Variants in CDH4 observed in about 807,000 individuals in gnomAD.
CDH4 encodes the protein cadherin 4, also known as cadherin-4.
CDH4 carries 33 observed loss-of-function variants against 86.0 expected under a neutral mutation model. That is an observed-to-expected ratio of 0.38 (90% CI 0.29 to 0.51). The LOEUF (loss-of-function observed/expected upper bound fraction) is 0.51. Ranked by LOEUF, CDH4 falls within the 20% of genes least tolerant of loss-of-function variation. CDH4 has a pLI of 0.86. For synonymous variants in CDH4, 555 were observed against 549.4 expected, an observed-to-expected ratio of 1.01 and a Z score of -0.14; for missense variants, 1,114 against 1,307.4, an observed-to-expected ratio of 0.85 and a Z score of 2.28.
chr20:61,705,327 T>C (rs2087817672), intron 2 of CDH4, among the ~76,000 whole-genome samples: 1 of 152,196 alleles, frequency 6.6e-6, no homozygotes, highest in Non-Finnish European at 1.5e-5. Flanking sequence ...GCGGGGGAGA[T>C]GGTGTACAAC....
chr20:61,777,990 A>G (rs1978343519), intron 4 of CDH4, among the ~76,000 whole-genome samples: 1 of 152,198 alleles, frequency 6.6e-6, no homozygotes, highest in Non-Finnish European at 1.5e-5. Context: ...ACATGCACAC[A>G]CACGTGCACA....
intron 3 of CDH4, among the ~76,000 whole-genome samples, chr20:61,751,245 G>C (rs1183687814): frequency 6.6e-6 from 1 of 152,122 alleles, no homozygotes; most frequent in African/African-American, 2.4e-5. Flanking sequence ...CCAGACTCCT[G>C]GCCTCTACCC....
intron 2 of CDH4, among the ~76,000 whole-genome samples, chr20:61,354,180 C>A (rs1392614528): frequency 6.6e-6 from 1 of 151,946 alleles, no homozygotes; most frequent in Non-Finnish European, 1.5e-5. Flanking sequence ...ACGCCCCCCA[C>A]CCCCCAGAGG....
intron 5 of CDH4, among the ~76,000 whole-genome samples, chr20:61,852,412 G>A (rs373061444): frequency 6.6e-6 from 1 of 152,372 alleles, no homozygotes; most frequent in Middle Eastern, 3.4e-3. Context: ...AGGGGCACCT[G>A]TCCTGCTCCA....
intron 2 of CDH4, among the ~76,000 whole-genome samples, chr20:61,487,787 G>A (rs1016136686): frequency 2.0e-5 from 3 of 152,232 alleles, no homozygotes; most frequent in Admixed American, 1.3e-4. Context: ...CACCCCGTGA[G>A]GACTTGTCAA....
chr20:61,396,096 G>A (rs1033458405), intron 2 of CDH4, among the ~76,000 whole-genome samples: 5 of 152,156 alleles, frequency 3.3e-5, no homozygotes, highest in South Asian at 2.1e-4. Context: ...CCGTCGTGCC[G>A]TCTTTGACTC....
At chr20:61,883,055 T>C (rs1467542670) in intron 7 of CDH4, among the ~76,000 whole-genome samples, 6 of 152,006 alleles carry the variant, frequency 3.9e-5, no homozygotes, top group Non-Finnish European at 7.4e-5. Flanking sequence ...GTTTCCTGTC[T>C]CACCCAGAAA....
Position 61,786,788 on chromosome 20 carries a change from A to T in CDH4, c.576+13606A>T, listed in dbSNP as rs111229522. The stretch of plus-strand genomic sequence containing the variant: ...GGATGAGAGCTCAGGCACCTTCCAC[A>T]AATGGACTCTTAGAGTTTGGCAATG... On this transcript the variant is annotated intron_variant, in intron 4 of 15. Transcript: ENST00000614565. 8.3e-3 allele frequency among the ~76,000 whole-genome samples: 1,262 copies of T among 152,326 alleles called. 20 individuals carry two copies. The highest frequency in any genetic ancestry group is 0.028 in the African/African-American group (1,184 of 41,586).
chr20:61,787,480 T>C (rs1170813829), intron 4 of CDH4, among the ~76,000 whole-genome samples: 1 of 152,156 alleles, frequency 6.6e-6, no homozygotes, highest in African/African-American at 2.4e-5. Context: ...CGCCCATGAT[T>C]CAATTATCTT....
chr20:61,593,899 C>A (rs2086535439), intron 2 of CDH4, among the ~76,000 whole-genome samples: 1 of 150,924 alleles, frequency 6.6e-6, no homozygotes, highest in African/African-American at 2.4e-5. Context: ...ACCTCCCGGG[C>A]AGGGATTGGG....
At chr20:61,670,594 G>C (rs556013808) in intron 2 of CDH4, among the ~76,000 whole-genome samples, 5 of 152,350 alleles carry the variant, frequency 3.3e-5, no homozygotes, top group African/African-American at 1.2e-4. Context: ...GCTTTGTCCA[G>C]CACTCTAGGA....
chr20:61,697,591 C>A (rs2087728321), intron 2 of CDH4, among the ~76,000 whole-genome samples: 1 of 152,168 alleles, frequency 6.6e-6, no homozygotes, highest in African/African-American at 2.4e-5. Context: ...GAGCAAGACT[C>A]CATCTCGGGG....
At chr20:61,877,887 G>A (rs1984106712) in intron 7 of CDH4, among the ~76,000 whole-genome samples, 1 of 152,128 alleles carries the variant, frequency 6.6e-6, no homozygotes, top group Non-Finnish European at 1.5e-5. Context: ...GGGGTCCATT[G>A]TGTGACAACG....
intron 6 of CDH4, among the ~76,000 whole-genome samples, chr20:61,855,585 G>C (rs898998689): frequency 8.5e-5 from 13 of 152,180 alleles, no homozygotes; most frequent in African/African-American, 3.1e-4. Context: ...GGATTTTCCT[G>C]GCCTTTCTAT....
chr20:61,312,607 T>A (rs1424407392), intron 2 of CDH4, among the ~76,000 whole-genome samples: 2 of 152,164 alleles, frequency 1.3e-5, no homozygotes, highest in Admixed American at 6.5e-5. Context: ...TGGGAGTGAC[T>A]TTCTCGCTAG....
At chr20:61,359,388 G>A (rs1042534512) in intron 2 of CDH4, among the ~76,000 whole-genome samples, 8 of 152,198 alleles carry the variant, frequency 5.3e-5, no homozygotes, top group Admixed American at 4.6e-4. Flanking sequence ...CCTATGGTGA[G>A]AGGCCACAGA....
chr20:61,293,902 C>T (rs2084337188), intron 2 of CDH4, among the ~76,000 whole-genome samples: 1 of 152,114 alleles, frequency 6.6e-6, no homozygotes, highest in Non-Finnish European at 1.5e-5. Context: ...CCGGGTTTTG[C>T]GGGTCCACTT....
chr20:61,590,550 G>C (rs11908387), intron 2 of CDH4, among the ~76,000 whole-genome samples: 5,860 of 152,270 alleles, frequency 0.038, 385 homozygotes, highest in African/African-American at 0.13. Flanking sequence ...CTGCAGTCCG[G>C]AACAGTGGAG....
chr20:61,784,409 G>C (rs111500212), intron 4 of CDH4, among the ~76,000 whole-genome samples: 72 of 4,574 alleles, frequency 0.016, 9 homozygotes, highest in Admixed American at 0.046. Flanking sequence ...GACAGTTCTC[G>C]AGGCCCTCAG....
Sources: gnomAD v4.1 joint callset for allele counts (sites outside exome capture counted in the v4.1 genomes callset) on GRCh38, gnomAD v4.1.1 for gene constraint, MANE v1.5 for transcripts, NCBI Gene and HGNC (gene_info 2026-07-23, HGNC 2026-07-21) for gene names.